The following LPAR1 variants were observed in gnomAD, a reference collection of about 807,000 sequenced individuals.
LPAR1 encodes LPA receptor 1.
LPAR1 carries 5 observed loss-of-function variants against 23.8 expected under a neutral mutation model. That is an observed-to-expected ratio of 0.21 (90% CI 0.11 to 0.44). LPAR1 has a LOEUF of 0.44. LPAR1 is among the 20% of genes least tolerant of loss of function. The pLI, the probability that LPAR1 is intolerant of heterozygous loss-of-function variation, is 0.99. For synonymous variants in LPAR1, 160 were observed against 164.7 expected (o/e 0.97, Z 0.22); for missense variants, 311 against 482.8 (o/e 0.64, Z 3.33).
intron 2 of LPAR1, among the ~76,000 whole-genome samples, chr9:111,031,221 G>C (rs1282895903): frequency 2.6e-5 from 4 of 151,876 alleles, no homozygotes; most frequent in Non-Finnish European, 5.9e-5. Flanking sequence ...GATCATAAGT[G>C]AAATACATTA....
At chr9:110,932,036 A>C (rs961552544) in intron 5 of LPAR1, among the ~76,000 whole-genome samples, 1 of 152,196 alleles carries the variant, frequency 6.6e-6, no homozygotes, top group Non-Finnish European at 1.5e-5. Context: ...CCTTAAAAAA[A>C]GTCCTGAGAG....
intron 5 of LPAR1, among the ~76,000 whole-genome samples, chr9:110,927,376 T>C (rs891893925): frequency 2.0e-5 from 3 of 152,196 alleles, no homozygotes; most frequent in African/African-American, 7.2e-5. Context: ...ATATTTTCTG[T>C]ATTTGGCAGA....
chr9:110,921,489 T>A (rs1367526546), intron 5 of LPAR1, among the ~76,000 whole-genome samples: 1 of 152,232 alleles, frequency 6.6e-6, no homozygotes, highest in East Asian at 1.9e-4. Flanking sequence ...GGGCATCACA[T>A]AACTTTTCAT....
intron 5 of LPAR1, among the ~76,000 whole-genome samples, chr9:110,911,933 G>A (rs1387283262): frequency 6.6e-6 from 1 of 152,144 alleles, no homozygotes; most frequent in African/African-American, 2.4e-5. Context: ...ACAGAAAAGG[G>A]CTGGGTGATT....
intron 4 of LPAR1, among the ~76,000 whole-genome samples, chr9:110,970,213 G>A (rs963064399): frequency 5.3e-5 from 8 of 152,148 alleles, no homozygotes; most frequent in Non-Finnish European, 8.8e-5. Flanking sequence ...GCAGCAAACC[G>A]GGATGTGGAA....
intron 2 of LPAR1, among the ~76,000 whole-genome samples, chr9:111,019,506 G>C (rs1295974785): frequency 2.6e-5 from 4 of 152,124 alleles, no homozygotes; most frequent in Non-Finnish European, 4.4e-5. Context: ...TGTGTTTTCT[G>C]CTGAACGGCT....
chr9:110,937,947 A>G (rs6477796), intron 5 of LPAR1, among the ~76,000 whole-genome samples: 59,314 of 152,084 alleles, frequency 0.39, 12,197 homozygotes, highest in East Asian at 0.81. Context: ...TAGAAGGCAT[A>G]GAACATAAAG....
At chr9:110,935,381 C>A (rs754078707) in intron 5 of LPAR1, among the ~76,000 whole-genome samples, 19 of 148,322 alleles carry the variant, frequency 1.3e-4, no homozygotes, top group Admixed American at 2.0e-4. Flanking sequence ...CTTTCAAGTT[C>A]TAAGAATTCT....
chr9:110,956,803 C>T (rs2095772233), intron 4 of LPAR1, among the ~76,000 whole-genome samples: 1 of 151,916 alleles, frequency 6.6e-6, no homozygotes, highest in Admixed American at 6.6e-5. Flanking sequence ...AAAAAGTCTC[C>T]CAACAAAATA....
chr9:110,999,684 A>G (rs2097093422), intron 2 of LPAR1, among the ~76,000 whole-genome samples: 2 of 152,154 alleles, frequency 1.3e-5, no homozygotes, highest in African/African-American at 2.4e-5. Context: ...AAACAGGGCT[A>G]GAGAGCTCTT....
chr9:110,954,508 C>T (rs2095670371), intron 4 of LPAR1, among the ~76,000 whole-genome samples: 1 of 119,566 alleles, frequency 8.4e-6, no homozygotes, highest in Non-Finnish European at 1.7e-5. Flanking sequence ...AAGGTCTTCT[C>T]CAGCACATAA....
intron 5 of LPAR1, among the ~76,000 whole-genome samples, chr9:110,891,173 C>A (rs2084047560): frequency 6.6e-6 from 1 of 152,070 alleles, no homozygotes; most frequent in African/African-American, 2.4e-5. Context: ...ATTCAATCAA[C>A]TATTAGAAAA....
intron 4 of LPAR1, among the ~76,000 whole-genome samples, chr9:110,952,193 C>T (rs2095590682): frequency 6.6e-6 from 1 of 152,170 alleles, no homozygotes; most frequent in Non-Finnish European, 1.5e-5. Context: ...TGTTCTGGGA[C>T]TGGCGAGAAG....
At chr9:111,014,919 C>T (rs1420876080) in intron 2 of LPAR1, among the ~76,000 whole-genome samples, 1 of 151,778 alleles carries the variant, frequency 6.6e-6, no homozygotes, top group East Asian at 2.0e-4. Context: ...CCCAGTACCT[C>T]AGAATGTGAC....
At chr9:110,936,669 C>T (rs2094727584) in intron 5 of LPAR1, among the ~76,000 whole-genome samples, 1 of 152,106 alleles carries the variant, frequency 6.6e-6, no homozygotes, top group Non-Finnish European at 1.5e-5. Context: ...CGTTTCCAAC[C>T]AGAACAAACT....
chr9:110,980,935 T>TA (rs1443361143), intron 2 of LPAR1, among the ~76,000 whole-genome samples: 1 of 152,060 alleles, frequency 6.6e-6, no homozygotes, highest in Non-Finnish European at 1.5e-5. Context: ...AATGAATATA[T>TA]TTAAAGATAA....
At chr9:110,963,147 G>C (rs527380667) in intron 4 of LPAR1, among the ~76,000 whole-genome samples, 1 of 152,246 alleles carries the variant, frequency 6.6e-6, no homozygotes, top group South Asian at 2.1e-4. Flanking sequence ...GGATGTATTA[G>C]AAAGAAAAAT....
intron 2 of LPAR1, among the ~76,000 whole-genome samples, chr9:111,009,173 T>C (rs2097277224): frequency 6.6e-6 from 1 of 151,946 alleles, no homozygotes; most frequent in African/African-American, 2.4e-5. Context: ...GTAAACAGGG[T>C]TCCTAAAATA....
chr9:110,989,985 A>G (rs1234056509), intron 2 of LPAR1, among the ~76,000 whole-genome samples: 1 of 152,080 alleles, frequency 6.6e-6, no homozygotes, highest in Non-Finnish European at 1.5e-5. Flanking sequence ...AGTAGATTTT[A>G]GAGCAAAACA....
Sources: allele counts gnomAD v4.1 joint callset (sites outside exome capture counted in the v4.1 genomes callset), GRCh38; gene constraint gnomAD v4.1.1; transcripts MANE v1.5; gene names NCBI Gene and HGNC (gene_info 2026-07-23, HGNC 2026-07-21).